The following CNTN4 variants were observed in gnomAD, a reference collection of about 807,000 sequenced individuals.
CNTN4 encodes the protein contactin-4.
Under a neutral mutation model 122.5 loss-of-function variants are expected in CNTN4, and 77 were observed. The observed-to-expected ratio is 0.63, with a 90% confidence interval of 0.52 to 0.76. The LOEUF is 0.76. CNTN4 is among the 30% of genes least tolerant of loss of function. The probability of loss-of-function intolerance (pLI) is 0.00; values close to 1 mark genes in which losing one functional copy is unlikely to be tolerated. For synonymous variants in CNTN4, 512 were observed against 447.0 expected, an observed-to-expected ratio of 1.15 and a Z score of -1.83; for missense variants, 1,256 against 1,259.1, an observed-to-expected ratio of 1.00 and a Z score of 0.04.
At chr3:2,326,625 A>G (rs937657806) in intron 2 of CNTN4, among the ~76,000 whole-genome samples, 1 of 152,172 alleles carries the variant, frequency 6.6e-6, no homozygotes, top group Non-Finnish European at 1.5e-5. Context: ...AATGATCTCT[A>G]TAACTTCTTC....
At chr3:2,189,483 G>A (rs1022331218) in intron 2 of CNTN4, among the ~76,000 whole-genome samples, 2 of 152,184 alleles carry the variant, frequency 1.3e-5, no homozygotes, top group African/African-American at 4.8e-5. Context: ...CTGGAATAGA[G>A]AGGGTCAGTG....
At chr3:2,755,309 G>A (rs181306949) in intron 6 of CNTN4, among the ~76,000 whole-genome samples, 24 of 152,254 alleles carry the variant, frequency 1.6e-4, no homozygotes, top group Admixed American at 1.4e-3. Context: ...GATAAAATGT[G>A]GATGGATGAC....
intron 13 of CNTN4, among the ~76,000 whole-genome samples, chr3:2,975,996 G>A (rs988251503): frequency 2.0e-5 from 3 of 152,144 alleles, no homozygotes; most frequent in Non-Finnish European, 2.9e-5. Flanking sequence ...TTGCATCAAT[G>A]AAATATAGCA....
intron 21 of CNTN4, 127 bp from the exon 22 acceptor site, chr3:3,042,850 A>T: frequency 3.9e-6 from 3 of 770,676 alleles, no homozygotes; most frequent in Non-Finnish European, 6.7e-6. Context: ...TTGTCCTGAT[A>T]GCTCTGCTCA....
intron 3 of CNTN4, among the ~76,000 whole-genome samples, chr3:2,473,183 A>G (rs2075735787): frequency 6.7e-6 from 1 of 149,226 alleles, no homozygotes; most frequent in Admixed American, 6.8e-5. Context: ...GTGAGCCAAA[A>G]TCGTGCCACT....
At chr3:2,777,027 C>T (rs1302026853) in intron 6 of CNTN4, among the ~76,000 whole-genome samples, 3 of 152,056 alleles carry the variant, frequency 2.0e-5, no homozygotes, top group Non-Finnish European at 2.9e-5. Context: ...ATTGCCCAGG[C>T]TGGAGCGCAG....
intron 4 of CNTN4, among the ~76,000 whole-genome samples, chr3:2,693,934 T>C (rs1355309851): frequency 2.0e-5 from 3 of 152,198 alleles, no homozygotes; most frequent in African/African-American, 4.8e-5. Flanking sequence ...TTGCTGCTAT[T>C]ATTAGACACA....
intron 2 of CNTN4, among the ~76,000 whole-genome samples, chr3:2,104,779 A>G (rs1344064471): frequency 6.6e-6 from 1 of 152,212 alleles, no homozygotes; most frequent in South Asian, 2.1e-4. Context: ...ATAACTAGCC[A>G]GTCTTTGTCA....
At chr3:2,188,898 C>T (rs1559325942) in intron 2 of CNTN4, among the ~76,000 whole-genome samples, 2 of 152,210 alleles carry the variant, frequency 1.3e-5, no homozygotes, top group East Asian at 3.9e-4. Flanking sequence ...CTGTGCCCTC[C>T]CAGGAGAGTT....
At chr3:2,417,888 A>G (rs954206261) in intron 3 of CNTN4, among the ~76,000 whole-genome samples, 2 of 152,334 alleles carry the variant, frequency 1.3e-5, no homozygotes, top group Middle Eastern at 3.4e-3. Flanking sequence ...CTGGGAAAAA[A>G]GCTATATACT....
chr3:2,913,289 C>G (rs1181108378), intron 12 of CNTN4, among the ~76,000 whole-genome samples: 3 of 152,090 alleles, frequency 2.0e-5, no homozygotes, highest in African/African-American at 7.2e-5. Context: ...AACAAAATGG[C>G]AATTGTAAGC....
At chr3:2,269,281 C>G (rs1050751079) in intron 2 of CNTN4, among the ~76,000 whole-genome samples, 1 of 152,090 alleles carries the variant, frequency 6.6e-6, no homozygotes, top group Non-Finnish European at 1.5e-5. Context: ...AGGGATGTTT[C>G]TGGTATGTGG....
chr3:2,496,633 G>A (rs2076459338), intron 3 of CNTN4, among the ~76,000 whole-genome samples: 1 of 152,064 alleles, frequency 6.6e-6, no homozygotes, highest in South Asian at 2.1e-4. Context: ...CATTTTTGAA[G>A]GTAAGGGTTT....
intron 3 of CNTN4, among the ~76,000 whole-genome samples, chr3:2,450,389 A>AATAG: frequency 6.6e-6 from 1 of 151,860 alleles, no homozygotes; most frequent in African/African-American, 2.4e-5. Context: ...TAAATAAATA[A>AATAG]ATAAATAAAA....
At chr3:3,034,892 A>G in intron 17 of CNTN4, 102 bp downstream of exon 17, 2 of 1,206,082 alleles carry the variant, frequency 1.7e-6, no homozygotes, top group Non-Finnish European at 2.5e-6. Flanking sequence ...CACTACTACA[A>G]ATGATATATT....
chr3:2,507,275 T>G (rs1288155877), intron 3 of CNTN4, among the ~76,000 whole-genome samples: 1 of 152,100 alleles, frequency 6.6e-6, no homozygotes, highest in African/African-American at 2.4e-5. Context: ...TGTCCTGTGC[T>G]TGGTAGGATG....
intron 4 of CNTN4, among the ~76,000 whole-genome samples, chr3:2,593,273 G>A (rs1274447018): frequency 2.8e-4 from 42 of 152,192 alleles, no homozygotes; most frequent in Non-Finnish European, 2.9e-5. Flanking sequence ...TGTCAGGATA[G>A]CGAAATCCCA....
intron 3 of CNTN4, among the ~76,000 whole-genome samples, chr3:2,547,780 A>C (rs2078310253): frequency 6.6e-6 from 1 of 152,010 alleles, no homozygotes; most frequent in South Asian, 2.1e-4. Context: ...AACAAAGTGA[A>C]TTTTCATTTA....
intron 2 of CNTN4, among the ~76,000 whole-genome samples, chr3:2,274,328 A>G (rs1054460312): frequency 1.3e-5 from 2 of 152,154 alleles, no homozygotes; most frequent in Non-Finnish European, 1.5e-5. Flanking sequence ...GGTTGCAGGG[A>G]GCCAAGATTG....
Sources: gnomAD v4.1 joint callset for allele counts (sites outside exome capture counted in the v4.1 genomes callset) on GRCh38, gnomAD v4.1.1 for gene constraint, MANE v1.5 for transcripts, NCBI Gene and HGNC (gene_info 2026-07-23, HGNC 2026-07-21) for gene names.